KLHL24: variants seen among roughly 807,000 people sequenced by gnomAD.
KLHL24 encodes the protein kelch-like protein 24.
KLHL24 carries 29 observed loss-of-function variants against 53.4 expected under a neutral mutation model. The ratio of observed to expected loss-of-function variants is 0.54; its 90% confidence interval spans 0.40 to 0.74. KLHL24 has a LOEUF of 0.74. Ranked by LOEUF, KLHL24 falls within the 30% of genes least tolerant of loss-of-function variation. The pLI is 0.00. For missense variants in KLHL24, 504 were observed against 744.0 expected, an observed-to-expected ratio of 0.68 and a Z score of 3.75; for synonymous variants, 222 against 253.7, an observed-to-expected ratio of 0.88 and a Z score of 1.19.
intron 3 of KLHL24, among the ~76,000 whole-genome samples, chr3:183,659,466 A>G (rs1196738883): frequency 1.3e-5 from 2 of 152,202 alleles, no homozygotes; most frequent in Non-Finnish European, 2.9e-5. Context: ...GAACCCGGGA[A>G]GAGGCAGAGA....
chr3:183,636,359 G>A (rs1427840783), intron 1 of KLHL24: 1 of 152,270 alleles, frequency 6.6e-6, no homozygotes, highest in Non-Finnish European at 1.5e-5. Flanking sequence ...TAAAGCGATT[G>A]CGAAATGCAC....
intron 3 of KLHL24, among the ~76,000 whole-genome samples, chr3:183,661,394 T>A (rs770973599): frequency 1.3e-4 from 20 of 152,298 alleles, no homozygotes; most frequent in Non-Finnish European, 2.1e-4. Context: ...AGTAACCTAT[T>A]TCCTTTAAGG....
At chr3:183,642,602 CAAA>C (rs377410456) in intron 1 of KLHL24, among the ~76,000 whole-genome samples, 2 of 92,980 alleles carry the variant, frequency 2.2e-5, no homozygotes, top group African/African-American at 6.7e-5. Context: ...CCCCTTCCAC[CAAA>C]AAAAAAAAAA....
intron 5 of KLHL24, among the ~76,000 whole-genome samples, chr3:183,667,584 A>C (rs1720750928): frequency 6.6e-6 from 1 of 151,864 alleles, no homozygotes; most frequent in African/African-American, 2.4e-5. Flanking sequence ...TCCCCAAACC[A>C]TCCCATCCCC....
rs1027593913 is a variant in KLHL24, at chr3:183,681,860, T to C, written c.*2574T>C. 6.6e-6 allele frequency: 1 copy of C among 152,514 alleles called. No homozygotes were observed. Among genetic ancestry groups the C allele is most frequent in the Admixed American group, 6.6e-5 (1 of 15,260 alleles). The allele number at this position is 152,514 out of a possible 1,614,324, so 9.4% of individuals were successfully genotyped here. A position where few individuals can be genotyped will look rare whatever the true frequency, so the allele number is the denominator to read the frequency against. ...CATCACATAAAGATTTTTCTTTTGA[T>C]AGGTGATGCTCATATGAACCTTTGG... On this transcript the variant is annotated 3_prime_UTR_variant, in exon 8 of 8. Transcript: ENST00000242810.
chr3:183,661,857 T>G (rs184472780), intron 3 of KLHL24, among the ~76,000 whole-genome samples: 37 of 152,330 alleles, frequency 2.4e-4, no homozygotes, highest in African/African-American at 8.7e-4. Flanking sequence ...TTAACTTCAG[T>G]GACTAGCAGT....
intron 2 of KLHL24, among the ~76,000 whole-genome samples, chr3:183,647,742 G>A (rs1211803969): frequency 6.6e-6 from 1 of 152,152 alleles, no homozygotes; most frequent in Non-Finnish European, 1.5e-5. Context: ...AGTGGCTCAC[G>A]CCTGTAATCC....
chr3:183,650,953 C>T lies in KLHL24; in HGVS notation c.597C>T (p.Ser199=), dbSNP rs1335533168. ...NFALQTFEDV[S]QHEEFLELDK... Reference sequence around the variant, plus strand: ...CGTTACAGACTTTTGAGGATGTATCCCAGCACGAAGAATTTCTTGAGCTTG... The same window carrying T: ...CGTTACAGACTTTTGAGGATGTATCTCAGCACGAAGAATTTCTTGAGCTTG... The change falls in exon 3 of 8, where the codon TCC becomes TCT. Residue 199 remains serine, a synonymous_variant. Coordinates refer to ENST00000242810, the MANE Select transcript of KLHL24 (RefSeq NM_017644.3). This position sits in a 1 kb window ranked among gnomAD's most constrained non-coding sequence, Gnocchi z 4.5. 8.7e-6 allele frequency: 14 copies of T among 1,614,108 alleles called. No homozygotes were observed. Among genetic ancestry groups the T allele is most frequent in the Non-Finnish European group, 1.1e-5 (13 of 1,180,028 alleles).
chr3:183,650,880 C>CTGA lies in KLHL24; in HGVS notation c.526_528dup (p.Asp176dup). 6.2e-7 allele frequency: 1 copy of CTGA among 1,614,118 alleles called. No homozygotes were observed. Among genetic ancestry groups the CTGA allele is most frequent in the Non-Finnish European group, 8.5e-7 (1 of 1,180,024 alleles). ...AATTGCTTAGGAATCCAGCGCTTTGCTGATACCCATTCACTCAAAACACTC... is the reference window on the plus strand; with the variant it reads ...AATTGCTTAGGAATCCAGCGCTTTGCTGATGATACCCATTCACTCAAAACACTC... On this transcript the variant is annotated inframe_insertion, in exon 3 of 8. Transcript: ENST00000242810. This position sits in a 1 kb window ranked among gnomAD's most constrained non-coding sequence, Gnocchi z 4.5.
At chr3:183,648,203 A>AAGT (rs1717600458) in intron 2 of KLHL24, among the ~76,000 whole-genome samples, 1 of 152,140 alleles carries the variant, frequency 6.6e-6, no homozygotes, top group African/African-American at 2.4e-5. Context: ...TGAATATTGG[A>AAGT]AGTAGGATAT....
intron 7 of KLHL24, among the ~76,000 whole-genome samples, chr3:183,677,406 A>G (rs1712078709): frequency 6.6e-6 from 1 of 152,176 alleles, no homozygotes; most frequent in Non-Finnish European, 1.5e-5. Context: ...GGGGTGTGGT[A>G]TTCTGAATTA....
intron 3 of KLHL24, among the ~76,000 whole-genome samples, chr3:183,656,469 A>C (rs1718915114): frequency 6.6e-6 from 1 of 152,222 alleles, no homozygotes; most frequent in South Asian, 2.1e-4. Flanking sequence ...GAAAAAGTTC[A>C]TATTAATACT....
chr3:183,682,761 T>A lies in KLHL24; in HGVS notation c.*3475T>A, dbSNP rs1395454588. The A allele has an allele frequency of 2.0e-5, 3 of 152,558 alleles. No homozygotes were observed. The highest frequency in any genetic ancestry group is 4.4e-5 in the Non-Finnish European group (3 of 68,028). 9.5% of individuals were successfully genotyped at this position (152,558 alleles called of 1,614,324 possible). On this transcript the variant is annotated 3_prime_UTR_variant, in exon 8 of 8. Coordinates refer to ENST00000242810, the MANE Select transcript of KLHL24 (RefSeq NM_017644.3). The stretch of plus-strand genomic sequence containing the variant: ...CAAAGGTTCAATTACACCACTTTTG[T>A]CAATAAGCAAACCAGGTATTTTTTT...
chr3:183,640,811 A>C (rs1472047357), intron 1 of KLHL24, among the ~76,000 whole-genome samples: 1 of 151,928 alleles, frequency 6.6e-6, no homozygotes, highest in African/African-American at 2.4e-5. Context: ...TATGTTGGCC[A>C]GGCTGGTCTC....
At chr3:183,669,414 C>T (rs544075089) in intron 5 of KLHL24, among the ~76,000 whole-genome samples, 8 of 152,186 alleles carry the variant, frequency 5.3e-5, no homozygotes, top group African/African-American at 1.9e-4. Context: ...GATAAATTGC[C>T]CTTACATTGG....
At chr3:183,657,227 A>T (rs1281868267) in intron 3 of KLHL24, among the ~76,000 whole-genome samples, 1 of 152,196 alleles carries the variant, frequency 6.6e-6, no homozygotes, top group Non-Finnish European at 1.5e-5. Context: ...AGAGGAAACA[A>T]GGATGGCACT....
rs542273051 is a variant in KLHL24 at position 183,640,218 on chromosome 3, G to C, written c.-124-3262G>C. Among the ~76,000 whole-genome samples, 7 of 152,306 alleles carry C rather than the reference G, an allele frequency of 4.6e-5. No individual in the cohort carries two copies. The South Asian group carries it at 1.0e-3, about 23-fold the overall frequency. ...ATGAGTAGGCTCAATAGGGCAGCTT[G>C]GTATACCACGTGTGATGTCTGATGG... On this transcript the variant is annotated intron_variant, in intron 1 of 7. Transcript: ENST00000242810.
chr3:183,670,363 A>G (rs1424297970), intron 5 of KLHL24, among the ~76,000 whole-genome samples: 2 of 152,202 alleles, frequency 1.3e-5, no homozygotes, highest in African/African-American at 4.8e-5. Context: ...TTTTTTGCAT[A>G]TAAGCCATTT....
intron 2 of KLHL24, among the ~76,000 whole-genome samples, chr3:183,644,390 G>A (rs1716936135): frequency 6.6e-6 from 1 of 152,154 alleles, no homozygotes; most frequent in Non-Finnish European, 1.5e-5. Context: ...TGTAGTTACG[G>A]AGACCAGTAA....
Sources: allele counts gnomAD v4.1 joint callset (sites outside exome capture counted in the v4.1 genomes callset), GRCh38; gene constraint gnomAD v4.1.1; non-coding constraint Gnocchi (gnomAD v3.1); transcripts MANE v1.5; gene names NCBI Gene and HGNC (gene_info 2026-07-23, HGNC 2026-07-21).